Variants in HDAC8 observed in about 807,000 individuals in gnomAD.
HDAC8 encodes the protein histone deacetylase 8.
Under a neutral mutation model 32.2 loss-of-function variants are expected in HDAC8, and 1 was observed. The observed-to-expected ratio is 0.03, with a 90% CI of 0.01 to 0.15. The LOEUF (loss-of-function observed/expected upper bound fraction) is 0.15. Ranked by LOEUF, HDAC8 falls within the 10% of genes least tolerant of loss-of-function variation. HDAC8 has a pLI of 1.00. For synonymous variants in HDAC8, 108 were observed against 113.9 expected, an observed-to-expected ratio of 0.95 and a Z score of 0.33; for missense variants, 117 against 300.0, an observed-to-expected ratio of 0.39 and a Z score of 4.51.
intron 4 of HDAC8, among the ~76,000 whole-genome samples, chrX:72,518,545 C>T (rs782760514): frequency 2.0e-4 from 22 of 111,157 alleles, no homozygotes; most frequent in Non-Finnish European, 3.4e-4. Flanking sequence ...TTTGTATTAG[C>T]GTGATATGTT....
chrX:72,522,382 C>T lies in HDAC8; in HGVS notation c.438-27114G>A, dbSNP rs1451607447. ...ATCTCCCTCAAGCAATTGCCCATGTCTTTCCTTCTGTTGACTACAAAATGC... is the reference window on the plus strand; with the variant it reads ...ATCTCCCTCAAGCAATTGCCCATGTTTTTCCTTCTGTTGACTACAAAATGC... On this transcript the variant is annotated intron_variant, in intron 4 of 10. Coordinates refer to ENST00000373573, the MANE Select transcript of HDAC8 (RefSeq NM_018486.3). 3.6e-5 allele frequency among the ~76,000 whole-genome samples: 4 copies of T among 112,515 alleles called. No individual in the cohort carries two copies. In the South Asian group the frequency reaches 1.5e-3, roughly 41 times the overall value.
intron 9 of HDAC8, among the ~76,000 whole-genome samples, chrX:72,423,098 T>A (rs1358542732): frequency 5.4e-5 from 6 of 112,101 alleles, no homozygotes; most frequent in Non-Finnish European, 7.5e-5. Flanking sequence ...AACTTTTTTT[T>A]AAAAAGGAAT....
intron 9 of HDAC8, among the ~76,000 whole-genome samples, chrX:72,363,539 C>T (rs970756623): frequency 9.0e-6 from 1 of 111,053 alleles, no homozygotes; most frequent in Non-Finnish European, 1.9e-5. Context: ...TTCTCAGACA[C>T]TTCAACTCAC....
Position 72,526,449 on chromosome X carries a change from G to A in HDAC8, c.438-31181C>T, listed in dbSNP as rs541871384. On this transcript the variant is annotated intron_variant, in intron 4 of 10. Coordinates refer to ENST00000373573, the MANE Select transcript of HDAC8 (RefSeq NM_018486.3). ...CGCCGCATTTCTACACTGCCTTATC[G>A]TGGTTTGTTTCTGTATCTTGGTTTT... 4.6e-4 allele frequency among the ~76,000 whole-genome samples: 51 copies of A among 110,808 alleles called. No homozygotes were observed. The South Asian group carries it at 0.02, about 43-fold the overall frequency.
At chrX:72,385,503 T>G (rs1204264193) in intron 9 of HDAC8, among the ~76,000 whole-genome samples, 1 of 110,587 alleles carries the variant, frequency 9.0e-6, no homozygotes, top group African/African-American at 3.3e-5. Flanking sequence ...AACAAAAAAC[T>G]TGGAAAATAA....
At position 72,329,741 on chromosome X, in the gene HDAC8, C is replaced by T. The variant is rs185237589; in HGVS notation, c.*313G>A. The T allele has an allele frequency of 1.6e-5, 19 of 1,159,749 alleles. No individual in the cohort carries two copies. The Admixed American group carries it at 1.8e-4, about 11-fold the overall frequency. On this transcript the variant is annotated 3_prime_UTR_variant, in exon 11 of 11. Coordinates refer to ENST00000373573, the MANE Select transcript of HDAC8 (RefSeq NM_018486.3). The stretch of plus-strand genomic sequence containing the variant: ...TGTTTCATTTAAGATGATTAAAATA[C>T]TCCCCTCCCCAATTCGCTTAAAAAT...
chrX:72,470,319 A>G (rs898930352), intron 7 of HDAC8, among the ~76,000 whole-genome samples: 1 of 111,445 alleles, frequency 9.0e-6, no homozygotes, highest in South Asian at 3.8e-4. Context: ...TCTAGATCAA[A>G]CTTTTTCTGT....
At chrX:72,432,964 A>G (rs1013942033) in intron 9 of HDAC8, among the ~76,000 whole-genome samples, 1 of 111,875 alleles carries the variant, frequency 8.9e-6, no homozygotes, top group Non-Finnish European at 1.9e-5. Flanking sequence ...GGTAACAACA[A>G]TTTACATATT....
intron 3 of HDAC8, 51 bp from the exon 4 acceptor site, chrX:72,568,081 G>GAGGAAT: frequency 8.9e-7 from 1 of 1,127,768 alleles, no homozygotes. Context: ...GGAAAAAGAG[G>GAGGAAT]AGGAATAGGT....
intron 9 of HDAC8, among the ~76,000 whole-genome samples, chrX:72,366,072 T>C (rs1414784701): frequency 3.6e-5 from 4 of 112,208 alleles, no homozygotes; most frequent in Non-Finnish European, 7.5e-5. Context: ...AGAACCATAA[T>C]AGAGGTGCAG....
intron 9 of HDAC8, among the ~76,000 whole-genome samples, chrX:72,433,954 A>C (rs1555978263): frequency 8.9e-6 from 1 of 112,534 alleles, no homozygotes; most frequent in Admixed American, 9.4e-5. Flanking sequence ...ATAAATGTTA[A>C]TTCTTTTCTT....
At chrX:72,537,220 A>G (rs1556039993) in intron 4 of HDAC8, among the ~76,000 whole-genome samples, 1 of 112,248 alleles carries the variant, frequency 8.9e-6, no homozygotes, top group Non-Finnish European at 1.9e-5. Flanking sequence ...TTAATCAGAA[A>G]CAAAAATGTA....
At chrX:72,477,326 G>T (rs1480365967) in intron 7 of HDAC8, among the ~76,000 whole-genome samples, 14 of 111,967 alleles carry the variant, frequency 1.3e-4, no homozygotes, top group Non-Finnish European at 2.6e-4. Flanking sequence ...AATACATACG[G>T]GTGGGAATAA....
chrX:72,546,282 G>A (rs562802051), intron 4 of HDAC8, among the ~76,000 whole-genome samples: 2 of 111,567 alleles, frequency 1.8e-5, no homozygotes, highest in African/African-American at 6.5e-5. Flanking sequence ...CTCTTAGCAG[G>A]GAAGCAGGAC....
intron 4 of HDAC8, among the ~76,000 whole-genome samples, chrX:72,519,112 CATA>C (rs781805178): frequency 1.2e-4 from 13 of 112,492 alleles, no homozygotes; most frequent in African/African-American, 3.9e-4. Flanking sequence ...GTTTGCTGAG[CATA>C]ATGTTTTTGA....
At chrX:72,392,303 C>T (rs1389442722) in intron 9 of HDAC8, among the ~76,000 whole-genome samples, 1 of 111,935 alleles carries the variant, frequency 8.9e-6, no homozygotes, top group Non-Finnish European at 1.9e-5. Context: ...AAATGTCTCA[C>T]TATTAGTCAC....
At chrX:72,386,446 T>G (rs2045430173) in intron 9 of HDAC8, among the ~76,000 whole-genome samples, 1 of 108,054 alleles carries the variant, frequency 9.3e-6, no homozygotes. Context: ...TTATGTATGA[T>G]TTTTTTTTTA....
At chrX:72,380,330 T>A (rs1277393224) in intron 9 of HDAC8, among the ~76,000 whole-genome samples, 1 of 111,976 alleles carries the variant, frequency 8.9e-6, no homozygotes, top group Non-Finnish European at 1.9e-5. Context: ...TCTTGAATCA[T>A]GCCTAATAAA....
chrX:72,440,290 C>A (rs188792154), intron 9 of HDAC8, among the ~76,000 whole-genome samples: 1 of 111,565 alleles, frequency 9.0e-6, no homozygotes, highest in African/African-American at 3.3e-5. Flanking sequence ...AACAAAGATA[C>A]AATGTACCAG....
Sources: gnomAD v4.1 joint callset for allele counts (sites outside exome capture counted in the v4.1 genomes callset) on GRCh38, gnomAD v4.1.1 for gene constraint, MANE v1.5 for transcripts, NCBI Gene and HGNC (gene_info 2026-07-23, HGNC 2026-07-21) for gene names.